SCG5: variants seen among roughly 807,000 people sequenced by gnomAD.
SCG5 encodes the protein secretogranin V.
Under a neutral mutation model 25.7 loss-of-function variants are expected in SCG5, and 18 were observed. The ratio of observed to expected loss-of-function variants is 0.70; its 90% CI spans 0.48 to 1.04. SCG5 has a LOEUF of 1.04. Among genes scored for constraint, SCG5 ranks in the 50% least tolerant of loss-of-function variants. The pLI is 0.00. For synonymous variants in SCG5, 101 were observed against 91.7 expected (o/e 1.10, Z -0.58); for missense variants, 206 against 259.8 (o/e 0.79, Z 1.42).
At chr15:32,676,433 T>C (rs1234369711) in intron 2 of SCG5, among the ~76,000 whole-genome samples, 1 of 152,198 alleles carries the variant, frequency 6.6e-6, no homozygotes, top group African/African-American at 2.4e-5. Context: ...AGTTGGATAA[T>C]TCCTGGCACT....
At position 32,643,057 on chromosome 15, in the gene SCG5, C is replaced by T. The variant is rs1567066771; in HGVS notation, c.-7-529C>T. ...GGAACATTTTCCTTCCTTTCAGGATCGCAAACGTATTGGATGTTTGCTAAA... is the reference window on the plus strand; with the variant it reads ...GGAACATTTTCCTTCCTTTCAGGATTGCAAACGTATTGGATGTTTGCTAAA... On this transcript the variant is annotated intron_variant, in intron 1 of 5. Transcript: ENST00000300175. Among the ~76,000 whole-genome samples, 5 of 152,280 alleles carry T rather than the reference C, an allele frequency of 3.3e-5. 1 individual carries two copies. The South Asian group carries it at 1.0e-3, about 32-fold the overall frequency.
intron 2 of SCG5, among the ~76,000 whole-genome samples, chr15:32,652,000 T>A (rs2054038412): frequency 6.6e-6 from 1 of 152,042 alleles, no homozygotes; most frequent in Non-Finnish European, 1.5e-5. Context: ...ACAGGGCACC[T>A]AAGACAAAGG....
In SCG5 at chr15:32,679,780, G is replaced by A; in HGVS notation, c.241G>A (p.Gly81Arg). The change falls in exon 3 of 6, where the codon GGA (glycine) becomes AGA (arginine). Residue 81 changes from glycine (G) to arginine (R), a missense_variant. Physicochemically the swap from Gly to Arg is moderately radical, Grantham distance 125. Transcript: ENST00000300175. ...PQSIEGGAHE[G>R]LQHLGPFGNI... Reference sequence around the variant, plus strand: ...TTCCCTCGCAGGTGGAGCTCATGAAGGACTTCAGCATTTGGGTCCTTTTGG... The same window carrying A: ...TTCCCTCGCAGGTGGAGCTCATGAAAGACTTCAGCATTTGGGTCCTTTTGG... The A allele has an allele frequency of 6.2e-7, 1 of 1,613,986 alleles. No homozygotes were observed. Among genetic ancestry groups the A allele is most frequent in the South Asian group, 1.1e-5 (1 of 91,070 alleles).
At chr15:32,671,317 A>T (rs1359804889) in intron 2 of SCG5, among the ~76,000 whole-genome samples, 1 of 152,314 alleles carries the variant, frequency 6.6e-6, no homozygotes, top group East Asian at 1.9e-4. Context: ...AGGTCTTATA[A>T]ATAAGAGTGA....
At chr15:32,668,295 C>T (rs2054355521) in intron 2 of SCG5, among the ~76,000 whole-genome samples, 1 of 152,220 alleles carries the variant, frequency 6.6e-6, no homozygotes, top group Non-Finnish European at 1.5e-5. Context: ...GGATTTACAG[C>T]AGCTTAGGAT....
intron 2 of SCG5, among the ~76,000 whole-genome samples, chr15:32,644,054 G>T (rs1299633080): frequency 6.6e-6 from 1 of 152,164 alleles, no homozygotes; most frequent in African/African-American, 2.4e-5. Context: ...TGAGAGCAGG[G>T]ACCTTATCTA....
At chr15:32,662,867 G>A (rs535429519) in intron 2 of SCG5, among the ~76,000 whole-genome samples, 24 of 151,642 alleles carry the variant, frequency 1.6e-4, no homozygotes, top group Non-Finnish European at 2.9e-4. Flanking sequence ...GGAGAGCTGG[G>A]GAGAGTATTA....
chr15:32,678,390 A>C lies in SCG5; in HGVS notation c.227-1376A>C, dbSNP rs539537940. Among the ~76,000 whole-genome samples, 15 of 152,362 alleles carry C rather than the reference A, an allele frequency of 9.8e-5. No homozygotes were observed. In the South Asian group the frequency reaches 2.9e-3, roughly 29 times the overall value. On this transcript the variant is annotated intron_variant, in intron 2 of 5. Transcript: ENST00000300175. ...CACTGAAATTCCAAGAGCATAAACA[A>C]ACAGCTCACATAAAAGAAATTAAAA...
intron 2 of SCG5, among the ~76,000 whole-genome samples, chr15:32,647,285 T>C (rs1468418958): frequency 1.3e-5 from 2 of 152,246 alleles, no homozygotes; most frequent in African/African-American, 4.8e-5. Context: ...AATTACTGGA[T>C]GTTAAGTTCC....
chr15:32,690,568 T>G (rs990589130), intron 4 of SCG5, among the ~76,000 whole-genome samples: 1 of 152,206 alleles, frequency 6.6e-6, no homozygotes, highest in Non-Finnish European at 1.5e-5. Context: ...TTTTTGGTAG[T>G]AGAGGCTCCT....
intron 2 of SCG5, among the ~76,000 whole-genome samples, chr15:32,658,379 G>C (rs1263251558): frequency 1.3e-5 from 2 of 152,154 alleles, no homozygotes; most frequent in African/African-American, 4.8e-5. Flanking sequence ...AGACATCACA[G>C]ATCAAACTTG....
chr15:32,642,795 TA>T (rs1431488852), intron 1 of SCG5, among the ~76,000 whole-genome samples: 1 of 152,040 alleles, frequency 6.6e-6, no homozygotes, highest in African/African-American at 2.4e-5. Context: ...CCAGAACTGT[TA>T]AGGCAATGTT....
At chr15:32,658,883 A>G (rs1439587325) in intron 2 of SCG5, among the ~76,000 whole-genome samples, 3 of 152,138 alleles carry the variant, frequency 2.0e-5, no homozygotes, top group Admixed American at 6.5e-5. Flanking sequence ...GCACTTAACA[A>G]CTGTCAGAGA....
rs550348799 is a variant in SCG5 at position 32,691,604 on chromosome 15, G to A, written c.490-106G>A. ...ATCTAGTTTTGTTTCCAAAATATGCGTATGCAAATATCTAGGGGACACACC... is the reference window on the plus strand; with the variant it reads ...ATCTAGTTTTGTTTCCAAAATATGCATATGCAAATATCTAGGGGACACACC... On this transcript the variant is annotated intron_variant, in intron 4 of 5. Coordinates refer to ENST00000300175, the MANE Select transcript of SCG5 (RefSeq NM_001144757.3). The A allele has an allele frequency of 3.3e-4, 274 of 837,540 alleles. 1 individual carries two copies. Among genetic ancestry groups the A allele is most frequent in the South Asian group, 6.6e-4 (41 of 62,496 alleles). 51.9% of individuals were successfully genotyped at this position (837,540 alleles called of 1,614,324 possible).
chr15:32,691,055 A>T (rs1019704263), intron 4 of SCG5, among the ~76,000 whole-genome samples: 1 of 152,080 alleles, frequency 6.6e-6, no homozygotes, highest in Non-Finnish European at 1.5e-5. Context: ...GAAGCCCACT[A>T]TGTGTTTGAA....
chr15:32,663,338 C>T (rs2054269793), intron 2 of SCG5, among the ~76,000 whole-genome samples: 1 of 151,860 alleles, frequency 6.6e-6, no homozygotes, highest in African/African-American at 2.4e-5. Flanking sequence ...CTCCTTTCCC[C>T]AGACCCTGGA....
intron 2 of SCG5, among the ~76,000 whole-genome samples, chr15:32,674,833 C>CA (rs1472032380): frequency 1.3e-5 from 2 of 152,178 alleles, no homozygotes; most frequent in East Asian, 3.8e-4. Flanking sequence ...GGTGAGAATG[C>CA]AGAGAAGAGC....
intron 4 of SCG5, 49 bp downstream of exon 4, chr15:32,684,718 A>C (rs769874417): frequency 8.2e-7 from 1 of 1,215,030 alleles, no homozygotes. Context: ...GGTACTCTGA[A>C]GGTGCTGATG....
At chr15:32,642,142 T>C (rs1419338957) in intron 1 of SCG5, among the ~76,000 whole-genome samples, 1 of 152,046 alleles carries the variant, frequency 6.6e-6, no homozygotes, top group East Asian at 1.9e-4. Context: ...ATCTAGTGGC[T>C]AGAAAAGGCC....
Sources: gnomAD v4.1 joint callset for allele counts (sites outside exome capture counted in the v4.1 genomes callset) on GRCh38, gnomAD v4.1.1 for gene constraint, MANE v1.5 for transcripts, NCBI Gene and HGNC (gene_info 2026-07-23, HGNC 2026-07-21) for gene names.